The following TNR variants were observed in gnomAD, a reference collection of about 807,000 sequenced individuals.
TNR encodes tenascin-R.
In TNR, 45 loss-of-function variants were observed where a neutral mutation model predicts 150.4. The observed-to-expected ratio is 0.30, with a 90% CI of 0.24 to 0.38. TNR has a LOEUF of 0.38. TNR is among the 10% of genes least tolerant of loss of function. The pLI, the probability that TNR is intolerant of heterozygous loss-of-function variation, is 1.00. For synonymous variants in TNR, 687 were observed against 678.4 expected (o/e 1.01, Z -0.20); for missense variants, 1,544 against 1,759.1 (o/e 0.88, Z 2.19).
chr1:175,331,162 TTTCCTTCCTTCCTTCCTTCCTTCCTTCC>T (rs199944963), intron 20 of TNR, among the ~76,000 whole-genome samples: 14,235 of 70,692 alleles, frequency 0.2, 2,612 homozygotes, highest in South Asian at 0.31. Flanking sequence ...TTTCTTTTTC[TTTCCTTCCTTCCTTCCTTCCTTCCTTCC>T]TTCCTTCCTT....
chr1:175,379,492 A>G, intron 9 of TNR, 60 bp downstream of exon 9: 1 of 1,487,362 alleles, frequency 6.7e-7, no homozygotes, highest in African/African-American at 1.4e-5. Flanking sequence ...GGTTGGGGAG[A>G]CAGCTGTGAG....
intron 2 of TNR, among the ~76,000 whole-genome samples, chr1:175,506,916 A>G (rs1658978262): frequency 6.6e-6 from 1 of 152,232 alleles, no homozygotes; most frequent in South Asian, 2.1e-4. Context: ...AAGAGATAAA[A>G]GACTGGTGTG....
At chr1:175,511,451 T>G (rs1047381163) in intron 2 of TNR, among the ~76,000 whole-genome samples, 3 of 152,228 alleles carry the variant, frequency 2.0e-5, no homozygotes, top group African/African-American at 7.2e-5. Flanking sequence ...TTTGATTTGA[T>G]AGAGGAATGA....
chr1:175,535,627 ATTT>A (rs34901178), intron 1 of TNR, among the ~76,000 whole-genome samples: 1 of 138,902 alleles, frequency 7.2e-6, no homozygotes, highest in African/African-American at 2.6e-5. Context: ...TGCCCGGCTA[ATTT>A]TTTTTTTTTT....
chr1:175,706,142 G>A (rs1666837464), intron 1 of TNR, among the ~76,000 whole-genome samples: 1 of 152,056 alleles, frequency 6.6e-6, no homozygotes, highest in South Asian at 2.1e-4. Flanking sequence ...ACAGAATAAA[G>A]TTTTGATTTA....
At chr1:175,418,523 A>G (rs111899224) in intron 2 of TNR, among the ~76,000 whole-genome samples, 7,352 of 152,250 alleles carry the variant, frequency 0.048, 586 homozygotes, top group African/African-American at 0.17. Flanking sequence ...GGAGATTGAG[A>G]CCATTCTGGC....
intron 1 of TNR, among the ~76,000 whole-genome samples, chr1:175,634,898 A>C (rs1048052836): frequency 2.0e-5 from 3 of 152,162 alleles, no homozygotes; most frequent in Non-Finnish European, 4.4e-5. Flanking sequence ...AAACTAAAAG[A>C]GGTTGTCATG....
chr1:175,640,105 A>AT (rs1664607159), intron 1 of TNR, among the ~76,000 whole-genome samples: 1 of 152,228 alleles, frequency 6.6e-6, no homozygotes, highest in Admixed American at 6.5e-5. Context: ...CTTCTTGCAT[A>AT]TTTGGAAGGT....
At chr1:175,437,513 G>T (rs1557933861) in intron 2 of TNR, among the ~76,000 whole-genome samples, 1 of 152,134 alleles carries the variant, frequency 6.6e-6, no homozygotes, top group Admixed American at 6.5e-5. Context: ...CAGAAGGCAA[G>T]AAATAACTAA....
At position 175,340,608 on chromosome 1, in the gene TNR, G is replaced by T. The variant is rs75980295; in HGVS notation, c.3383-2929C>A. 1.6e-3 allele frequency among the ~76,000 whole-genome samples: 250 copies of T among 152,320 alleles called. 3 individuals carry two copies. Among genetic ancestry groups the T allele is most frequent in the African/African-American group, 5.8e-3 (241 of 41,566 alleles). ...AAAATTCAGATTCCTGGTTTCCATAGCAGATTCACTGAATCAGAATATCAG... is the reference window on the plus strand; with the variant it reads ...AAAATTCAGATTCCTGGTTTCCATATCAGATTCACTGAATCAGAATATCAG... On this transcript the variant is annotated intron_variant, in intron 18 of 22. Transcript: ENST00000367674.
At position 175,695,291 on chromosome 1, in the gene TNR, C is replaced by T. The variant is rs138409693; in HGVS notation, c.-165+47935G>A. Among the ~76,000 whole-genome samples, 395 of 152,284 alleles carry T rather than the reference C, an allele frequency of 2.6e-3. 2 individuals carry two copies. The highest frequency in any genetic ancestry group is 8.9e-3 in the African/African-American group (370 of 41,554). On this transcript the variant is annotated intron_variant, in intron 1 of 22. Transcript: ENST00000367674. The stretch of plus-strand genomic sequence containing the variant: ...AGGACTGAAGCCTCCTGCCCACAGC[C>T]GTGTAAGTGAGAGATCCTGTACACA...
intron 1 of TNR, among the ~76,000 whole-genome samples, chr1:175,559,560 C>T (rs1386360472): frequency 6.6e-6 from 1 of 151,966 alleles, no homozygotes; most frequent in Admixed American, 6.6e-5. Flanking sequence ...TATTACTTTC[C>T]TTCGTACATA....
At chr1:175,496,324 C>T (rs115980279) in intron 2 of TNR, among the ~76,000 whole-genome samples, 2,783 of 152,222 alleles carry the variant, frequency 0.018, 89 homozygotes, top group African/African-American at 0.063. Context: ...CCCACCCTGC[C>T]AATCTGTGTT....
chr1:175,663,811 G>A (rs1340396791), intron 1 of TNR, among the ~76,000 whole-genome samples: 2 of 152,216 alleles, frequency 1.3e-5, no homozygotes, highest in Admixed American at 1.3e-4. Context: ...AATACTTTTA[G>A]TCTGGGGAAC....
At chr1:175,574,100 A>G (rs1168752927) in intron 1 of TNR, among the ~76,000 whole-genome samples, 2 of 152,062 alleles carry the variant, frequency 1.3e-5, no homozygotes, top group African/African-American at 4.8e-5. Flanking sequence ...AAGACCTGGG[A>G]TGATGTCTGC....
chr1:175,702,402 T>G (rs1021092486), intron 1 of TNR, among the ~76,000 whole-genome samples: 2 of 152,094 alleles, frequency 1.3e-5, no homozygotes. Flanking sequence ...CCCAGAAACA[T>G]TGATTTTTGG....
At chr1:175,528,429 G>A (rs867006604) in intron 1 of TNR, 60 bp from the exon 2 acceptor site, 2 of 152,144 alleles carry the variant, frequency 1.3e-5, no homozygotes, top group Admixed American at 6.5e-5. Context: ...AGAAACCCTG[G>A]TTTCCCTTTC....
Position 175,426,701 on chromosome 1 carries a change from C to T in TNR, c.-63-19924G>A, listed in dbSNP as rs186965408. On this transcript the variant is annotated intron_variant, in intron 2 of 22. Transcript: ENST00000367674. ...CATAAAGATACATGTTACTCCGTAACCTAATACCTAATACATCTGTAATTA... is the reference window on the plus strand; with the variant it reads ...CATAAAGATACATGTTACTCCGTAATCTAATACCTAATACATCTGTAATTA... 3.8e-3 allele frequency among the ~76,000 whole-genome samples: 569 copies of T among 150,374 alleles called. 2 individuals carry two copies. Among genetic ancestry groups the T allele is most frequent in the African/African-American group, 0.013 (550 of 40,942 alleles).
intron 9 of TNR, 67 bp downstream of exon 9, chr1:175,379,485 T>TG (rs1652566756): frequency 6.9e-7 from 1 of 1,452,476 alleles, no homozygotes. Context: ...ATGTGTAGGT[T>TG]GGGGAGACAG....
Sources: allele counts gnomAD v4.1 joint callset (sites outside exome capture counted in the v4.1 genomes callset), GRCh38; gene constraint gnomAD v4.1.1; transcripts MANE v1.5; gene names NCBI Gene and HGNC (gene_info 2026-07-23, HGNC 2026-07-21).